Variants in SH3PXD2B observed in about 807,000 individuals in gnomAD.
SH3PXD2B encodes SH3 and PX domain-containing protein 2B.
SH3PXD2B carries 37 observed loss-of-function variants against 73.1 expected under a neutral mutation model. The ratio of observed to expected loss-of-function variants is 0.51; its 90% CI spans 0.39 to 0.67. SH3PXD2B has a LOEUF of 0.67. SH3PXD2B is among the 30% of genes least tolerant of loss of function. SH3PXD2B has a pLI of 0.00. For synonymous variants in SH3PXD2B, 457 were observed against 480.5 expected, an observed-to-expected ratio of 0.95 and a Z score of 0.64; for missense variants, 1,053 against 1,197.8, an observed-to-expected ratio of 0.88 and a Z score of 1.78.
chr5:172,407,553 C>T (rs894260626), intron 2 of SH3PXD2B, among the ~76,000 whole-genome samples: 1 of 152,150 alleles, frequency 6.6e-6, no homozygotes, highest in Non-Finnish European at 1.5e-5. Flanking sequence ...GTTTAGTACA[C>T]GGGTCAAGGA....
chr5:172,407,851 C>T (rs1758596833), intron 2 of SH3PXD2B, among the ~76,000 whole-genome samples: 2 of 152,234 alleles, frequency 1.3e-5, no homozygotes, highest in Admixed American at 6.5e-5. Flanking sequence ...AATCCTCGAT[C>T]ATTGCTTTAA....
chr5:172,441,988 G>T (rs551538326), intron 1 of SH3PXD2B, among the ~76,000 whole-genome samples: 1 of 152,192 alleles, frequency 6.6e-6, no homozygotes, highest in East Asian at 1.9e-4. Context: ...AGCCCTATGT[G>T]GACTTCTTTG....
chr5:172,454,400 G>A lies in SH3PXD2B; in HGVS notation c.-48C>T, dbSNP rs774339130. The A allele has an allele frequency of 2.2e-5, 28 of 1,267,326 alleles. No homozygotes were observed. The African/African-American group carries it at 4.1e-4, about 19-fold the overall frequency. The allele number at this position is 1,267,326 out of a possible 1,614,324, so 78.5% of individuals were successfully genotyped here. A position where few individuals can be genotyped will look rare whatever the true frequency, so the allele number is the denominator to read the frequency against. On this transcript the variant is annotated 5_prime_UTR_variant, in exon 1 of 13. Transcript: ENST00000311601. Reference sequence around the variant, plus strand: ...GGCCGAGCGCGGGTGCGGGTGGCGCGGGGTGCAGGGAGCGCTGGGGGCGCG... The same window carrying A: ...GGCCGAGCGCGGGTGCGGGTGGCGCAGGGTGCAGGGAGCGCTGGGGGCGCG...
chr5:172,404,441 G>A (rs533060682), intron 3 of SH3PXD2B, among the ~76,000 whole-genome samples: 32 of 152,132 alleles, frequency 2.1e-4, no homozygotes, highest in East Asian at 1.4e-3. Flanking sequence ...ATAGGTGCCC[G>A]CCACCACGCC....
intron 2 of SH3PXD2B, among the ~76,000 whole-genome samples, chr5:172,409,225 C>CA (rs1271680421): frequency 2.0e-5 from 3 of 151,790 alleles, no homozygotes; most frequent in African/African-American, 7.3e-5. Flanking sequence ...ACTAAAAATA[C>CA]AAAAAAATTA....
At chr5:172,384,235 C>T (rs149948488) in intron 4 of SH3PXD2B, among the ~76,000 whole-genome samples, 44 of 152,244 alleles carry the variant, frequency 2.9e-4, no homozygotes, top group Non-Finnish European at 4.9e-4. Flanking sequence ...ACTGGGCTCT[C>T]GTGGACCAAC....
chr5:172,417,831 A>G (rs1249467210), intron 2 of SH3PXD2B, among the ~76,000 whole-genome samples: 1 of 152,198 alleles, frequency 6.6e-6, no homozygotes, highest in Admixed American at 6.5e-5. Flanking sequence ...ACCCTTTTAG[A>G]GTGTTCAATG....
intron 3 of SH3PXD2B, among the ~76,000 whole-genome samples, chr5:172,399,910 G>A (rs1187570945): frequency 6.6e-6 from 1 of 152,142 alleles, no homozygotes; most frequent in Non-Finnish European, 1.5e-5. Flanking sequence ...TGTTCCTGCA[G>A]AAATCTACAC....
chr5:172,325,268 C>A, exon 13 of SH3PXD2B: 1 of 1,529,278 alleles, frequency 6.5e-7, no homozygotes, highest in Non-Finnish European at 8.8e-7. Context: ...AAGGACATGA[C>A]GTGGTTCTCA....
At chr5:172,367,691 G>A (rs552810522) in intron 6 of SH3PXD2B, among the ~76,000 whole-genome samples, 1 of 152,320 alleles carries the variant, frequency 6.6e-6, no homozygotes, top group South Asian at 2.1e-4. Flanking sequence ...GAGTGGTCAT[G>A]TAACGAAGCC....
chr5:172,326,619 A>T (rs1219089670), intron 12 of SH3PXD2B, among the ~76,000 whole-genome samples: 1 of 152,158 alleles, frequency 6.6e-6, no homozygotes, highest in East Asian at 1.9e-4. Context: ...ATAGAAGATA[A>T]ATATATACTA....
At chr5:172,439,977 G>A (rs1172002982) in intron 1 of SH3PXD2B, among the ~76,000 whole-genome samples, 2 of 152,162 alleles carry the variant, frequency 1.3e-5, no homozygotes, top group African/African-American at 4.8e-5. Context: ...CCAATGGCAA[G>A]CAGAGGTGCT....
At chr5:172,402,501 C>A (rs551724963) in intron 3 of SH3PXD2B, among the ~76,000 whole-genome samples, 14 of 152,316 alleles carry the variant, frequency 9.2e-5, no homozygotes, top group African/African-American at 2.9e-4. Flanking sequence ...TAAAAACTTG[C>A]TGGTTTTGCG....
intron 11 of SH3PXD2B, 34 bp from the exon 12 acceptor site, chr5:172,346,295 C>T: frequency 6.2e-7 from 1 of 1,612,780 alleles, no homozygotes; most frequent in Non-Finnish European, 8.5e-7. Context: ...ATCTCCAAGG[C>T]TAAGTGCACT....
At chr5:172,394,211 C>T (rs1426926470) in intron 4 of SH3PXD2B, among the ~76,000 whole-genome samples, 1 of 152,192 alleles carries the variant, frequency 6.6e-6, no homozygotes, top group Non-Finnish European at 1.5e-5. Flanking sequence ...TCCCAAAATG[C>T]TGGGATTATA....
At chr5:172,326,775 T>G (rs1756453334) in intron 12 of SH3PXD2B, among the ~76,000 whole-genome samples, 1 of 152,112 alleles carries the variant, frequency 6.6e-6, no homozygotes, top group South Asian at 2.1e-4. Flanking sequence ...CCCCTTGGTT[T>G]GCAAAGCCCC....
At chr5:172,368,772 CATAT>C (rs1211045649) in intron 6 of SH3PXD2B, among the ~76,000 whole-genome samples, 2 of 111,134 alleles carry the variant, frequency 1.8e-5, no homozygotes, top group African/African-American at 6.8e-5. Flanking sequence ...ATATAATATA[CATAT>C]ATATTTAATA....
chr5:172,424,321 G>A (rs1296296919), intron 1 of SH3PXD2B, among the ~76,000 whole-genome samples: 2 of 152,168 alleles, frequency 1.3e-5, no homozygotes, highest in Non-Finnish European at 2.9e-5. Flanking sequence ...TGATGGTCAT[G>A]TAGGATTTAG....
chr5:172,392,031 G>A (rs1178610344), intron 4 of SH3PXD2B, among the ~76,000 whole-genome samples: 1 of 151,768 alleles, frequency 6.6e-6, no homozygotes, highest in East Asian at 1.9e-4. Context: ...TTTGAGATAA[G>A]GGTCTAACTT....
Sources: gnomAD v4.1 joint callset for allele counts (sites outside exome capture counted in the v4.1 genomes callset) on GRCh38, gnomAD v4.1.1 for gene constraint, MANE v1.5 for transcripts, NCBI Gene and HGNC (gene_info 2026-07-23, HGNC 2026-07-21) for gene names.